KIAA1191: variants seen among roughly 807,000 people sequenced by gnomAD.
The protein encoded by KIAA1191 is KIAA1191, also known as putative monooxygenase p33MONOX.
KIAA1191 carries 22 observed loss-of-function variants against 31.1 expected under a neutral mutation model. The observed-to-expected ratio is 0.71, with a 90% confidence interval of 0.51 to 1.01. The LOEUF (loss-of-function observed/expected upper bound fraction) is 1.01. Ranked by LOEUF, KIAA1191 falls within the 50% of genes least tolerant of loss-of-function variation. The pLI is 0.00. For synonymous variants in KIAA1191, 130 were observed against 143.9 expected, an observed-to-expected ratio of 0.90 and a Z score of 0.69; for missense variants, 319 against 388.0, an observed-to-expected ratio of 0.82 and a Z score of 1.49.
chr5:176,353,463 T>C (rs925536641), intron 4 of KIAA1191: 1 of 152,232 alleles, frequency 6.6e-6, no homozygotes, highest in Non-Finnish European at 1.5e-5. Flanking sequence ...TTATTCTTTA[T>C]TCTGTGCTTG....
intron 5 of KIAA1191, 142 bp from the exon 6 acceptor site, chr5:176,350,879 G>C (rs1264476827): frequency 2.0e-6 from 2 of 1,000,334 alleles, no homozygotes; most frequent in Non-Finnish European, 2.9e-6. Flanking sequence ...CCCCAGAGAG[G>C]CACCACAGCA....
chr5:176,359,880 A>C lies in KIAA1191; in HGVS notation c.-129T>G. On this transcript the variant is annotated 5_prime_UTR_variant, in exon 2 of 9. Coordinates refer to ENST00000298569, the MANE Select transcript of KIAA1191 (RefSeq NM_020444.5). ...TGAGGAACATGGTCCAGCTGCTGCA[A>C]AGTAGCAAAGCTTCCCAGGAAGAGT... The C allele has an allele frequency of 5.2e-6, 1 of 193,050 alleles. No individual in the cohort carries two copies. The allele number at this position is 193,050 out of a possible 1,614,324, so 12.0% of individuals were successfully genotyped here. A position where few individuals can be genotyped will look rare whatever the true frequency, so the allele number is the denominator to read the frequency against.
intron 5 of KIAA1191, 83 bp from the exon 6 acceptor site, chr5:176,350,820 TC>T: frequency 6.5e-7 from 1 of 1,528,068 alleles, no homozygotes. Flanking sequence ...TCTACTATTC[TC>T]CCCAGAAGCA....
Position 176,346,584 on chromosome 5 carries a change from T to A in KIAA1191, c.*1016A>T, listed in dbSNP as rs996101072. The A allele has an allele frequency of 6.6e-6, 1 of 152,268 alleles. No individual in the cohort carries two copies. The highest frequency in any genetic ancestry group is 2.4e-5 in the African/African-American group (1 of 41,476). The allele number at this position is 152,268 out of a possible 1,614,324, so 9.4% of individuals were successfully genotyped here. A position where few individuals can be genotyped will look rare whatever the true frequency, so the allele number is the denominator to read the frequency against. ...AGGAAGTTTTTAACCAAATTACAGC[T>A]AAATTAATCTCACTTTAAAGTGCAA... is the stretch of plus-strand genomic sequence containing the variant. On this transcript the variant is annotated 3_prime_UTR_variant, in exon 9 of 9. Transcript: ENST00000298569.
At chr5:176,349,994 C>T (rs1766846959) in intron 6 of KIAA1191, among the ~76,000 whole-genome samples, 1 of 152,192 alleles carries the variant, frequency 6.6e-6, no homozygotes, top group South Asian at 2.1e-4. Context: ...GGAAGTAAGG[C>T]ATCAGGAGAC....
intron 6 of KIAA1191, among the ~76,000 whole-genome samples, chr5:176,349,669 A>G (rs1030639796): frequency 6.6e-6 from 1 of 152,134 alleles, no homozygotes; most frequent in Non-Finnish European, 1.5e-5. Flanking sequence ...AACAGGCCAC[A>G]GTTTTATATC....
chr5:176,347,819 G>C lies in KIAA1191; in HGVS notation c.710-11C>G. ...GGGTGGCAAAACTTCCTACAAAAGT[G>C]AACCAGAGTGCAAATGATTTCAAAA... is the stretch of plus-strand genomic sequence containing the variant. On this transcript the variant is annotated splice_polypyrimidine_tract_variant and intron_variant, in intron 8 of 8. Transcript: ENST00000298569. 6.2e-7 allele frequency: 1 copy of C among 1,601,216 alleles called. No individual in the cohort carries two copies. Among genetic ancestry groups the C allele is most frequent in the Non-Finnish European group, 8.5e-7 (1 of 1,173,380 alleles).
chr5:176,355,701 A>G lies in KIAA1191; in HGVS notation c.77T>C (p.Ile26Thr). 3.7e-6 allele frequency: 6 copies of G among 1,613,858 alleles called. No individual in the cohort carries two copies. The highest frequency in any genetic ancestry group is 1.1e-5 in the South Asian group (1 of 91,066). Residue 26 changes from isoleucine to threonine, a missense_variant, in exon 4 of 9, where the codon ATA becomes ACA. Ile to Thr is a moderately conservative substitution (Grantham distance 89). Transcript: ENST00000298569. The surrounding 1 kb of genome is among the most constrained non-coding windows in gnomAD (Gnocchi z 4.2). ...ATCATAGCTGACTGCCCGGCGGTAT[A>G]TCCCGATGGGCAGGGACATCTTGCC... ...PLGKMSLPIG[I>T]YRRAVSYDDT...
rs1442466150 is a variant in KIAA1191 at position 176,346,389 on chromosome 5, C to T, written c.*1211G>A. On this transcript the variant is annotated 3_prime_UTR_variant, in exon 9 of 9. Coordinates refer to ENST00000298569, the MANE Select transcript of KIAA1191 (RefSeq NM_020444.5). ...AATTTTGAATTGAGTGACCTCCCCG[C>T]ACAGGCGTTCCAGGCCCTGACCTGA... The T allele has an allele frequency of 6.6e-6, 1 of 152,236 alleles. No homozygotes were observed. Among genetic ancestry groups the T allele is most frequent in the African/African-American group, 2.4e-5 (1 of 41,456 alleles). The allele number at this position is 152,236 out of a possible 1,614,324, so 9.4% of individuals were successfully genotyped here.
chr5:176,358,630 C>G (rs1057296932), intron 3 of KIAA1191, among the ~76,000 whole-genome samples: 1 of 151,906 alleles, frequency 6.6e-6, no homozygotes, highest in Non-Finnish European at 1.5e-5. Flanking sequence ...AGGAGAATCA[C>G]TTGAGCCCAG....
intron 4 of KIAA1191, chr5:176,353,437 G>A (rs1280520003): frequency 6.6e-6 from 1 of 152,242 alleles, no homozygotes; most frequent in Non-Finnish European, 1.5e-5. Context: ...GCCTAGCAGG[G>A]AGGAGAGAAC....
At position 176,346,265 on chromosome 5, in the gene KIAA1191, G is replaced by A. The variant is rs1190881158; in HGVS notation, c.*1335C>T. ...CAAGTGAACTTGTACACAGTGAAGA[G>A]AAATAAAAAGGTGGCTTCTGTATTT... On this transcript the variant is annotated 3_prime_UTR_variant, in exon 9 of 9. Transcript: ENST00000298569. 1 of 152,218 alleles carries A rather than the reference G, an allele frequency of 6.6e-6. No individual in the cohort carries two copies. 9.4% of individuals were successfully genotyped at this position (152,218 alleles called of 1,614,324 possible).
At chr5:176,359,321 AAAAAT>A (rs1015756720) in intron 3 of KIAA1191, 155 bp downstream of exon 3, 41 of 621,502 alleles carry the variant, frequency 6.6e-5, no homozygotes, top group Middle Eastern at 4.9e-4. Context: ...TCCATCTCAA[AAAAAT>A]AAAATAAAAT....
At position 176,355,921 on chromosome 5, in the gene KIAA1191, CT is replaced by C; in HGVS notation, c.29-173del. On this transcript the variant is annotated intron_variant, in intron 3 of 8. Coordinates refer to ENST00000298569, the MANE Select transcript of KIAA1191 (RefSeq NM_020444.5). This position sits in a 1 kb window ranked among gnomAD's most constrained non-coding sequence, Gnocchi z 4.2. ...GAAAGGCAGTGGTACCAATCCCTTC[CT>C]CTATGCCTGACACCTTGGGTGGTCC... 1.5e-6 allele frequency: 1 copy of C among 660,300 alleles called. No individual in the cohort carries two copies. 40.9% of individuals were successfully genotyped at this position (660,300 alleles called of 1,614,324 possible). A position where few individuals can be genotyped will look rare whatever the true frequency, so the allele number is the denominator to read the frequency against.
At chr5:176,350,170 TGAAA>T (rs1268030091) in intron 6 of KIAA1191, among the ~76,000 whole-genome samples, 1 of 152,238 alleles carries the variant, frequency 6.6e-6, no homozygotes, top group Admixed American at 6.5e-5. Context: ...CGGTCTTCAC[TGAAA>T]GAAAGTCATT....
chr5:176,352,470 C>G (rs959255293), intron 5 of KIAA1191, 152 bp downstream of exon 5: 8 of 828,060 alleles, frequency 9.7e-6, no homozygotes, highest in Admixed American at 5.1e-5. Context: ...ATAAATGGAG[C>G]TTCAATACTG....
At chr5:176,350,318 T>G (rs2113466178) in intron 6 of KIAA1191, among the ~76,000 whole-genome samples, 1 of 152,366 alleles carries the variant, frequency 6.6e-6, no homozygotes, top group Middle Eastern at 3.4e-3. Flanking sequence ...GTTAAGCTGT[T>G]ACCTCTGTTG....
intron 5 of KIAA1191, 73 bp downstream of exon 5, chr5:176,352,549 C>T: frequency 6.5e-7 from 1 of 1,547,634 alleles, no homozygotes; most frequent in Non-Finnish European, 8.8e-7. Flanking sequence ...GTATCATCTC[C>T]AATCAGCTTG....
In KIAA1191 at chr5:176,361,663, G is replaced by A. The variant is rs902756530; in HGVS notation, c.-229C>T. Reference sequence around the variant, plus strand: ...GAGTCCGGCACTAAAAAGGTTCCGAGGGCCCACGTCTCCCGAGAGGCTGTG... The same window carrying A: ...GAGTCCGGCACTAAAAAGGTTCCGAAGGCCCACGTCTCCCGAGAGGCTGTG... On this transcript the variant is annotated 5_prime_UTR_variant, in exon 1 of 9. Transcript: ENST00000298569. The surrounding 1 kb of genome is among the most constrained non-coding windows in gnomAD (Gnocchi z 4.0). The A allele has an allele frequency of 3.3e-5, 5 of 152,464 alleles. No individual in the cohort carries two copies. The highest frequency in any genetic ancestry group is 1.3e-4 in the Admixed American group (2 of 15,292). 9.4% of individuals were successfully genotyped at this position (152,464 alleles called of 1,614,324 possible). A position where few individuals can be genotyped will look rare whatever the true frequency, so the allele number is the denominator to read the frequency against.
Sources: gnomAD v4.1 joint callset for allele counts (sites outside exome capture counted in the v4.1 genomes callset) on GRCh38, gnomAD v4.1.1 for gene constraint, Gnocchi (gnomAD v3.1) non-coding constraint, MANE v1.5 for transcripts, NCBI Gene and HGNC (gene_info 2026-07-23, HGNC 2026-07-21) for gene names.